PTPRM: variants seen among roughly 807,000 people sequenced by gnomAD.
The protein encoded by PTPRM is protein tyrosine phosphatase receptor type M.
PTPRM carries 47 observed loss-of-function variants against 186.7 expected under a neutral mutation model. The observed-to-expected ratio is 0.25, with a 90% confidence interval of 0.20 to 0.32. PTPRM has a LOEUF of 0.32. Among genes scored for constraint, PTPRM ranks in the 10% least tolerant of loss-of-function variants. The probability of loss-of-function intolerance (pLI) is 1.00; values close to 1 mark genes in which losing one functional copy is unlikely to be tolerated. For synonymous variants in PTPRM, 668 were observed against 674.9 expected, an observed-to-expected ratio of 0.99 and a Z score of 0.16; for missense variants, 1,494 against 1,865.0, an observed-to-expected ratio of 0.80 and a Z score of 3.66.
rs77172516 is a variant in PTPRM, at chr18:7,709,037, C to T, written c.74-65112C>T. 7.4e-3 allele frequency among the ~76,000 whole-genome samples: 1,129 copies of T among 152,216 alleles called. 18 individuals carry two copies. The highest frequency in any genetic ancestry group is 0.026 in the African/African-American group (1,092 of 41,542). Reference sequence around the variant, plus strand: ...CACCAATTCCTCACTTTAAAAAGCACACTCCTGCTGCTGCTTCTACTTTTA... The same window carrying T: ...CACCAATTCCTCACTTTAAAAAGCATACTCCTGCTGCTGCTTCTACTTTTA... On this transcript the variant is annotated intron_variant, in intron 1 of 32. Coordinates refer to ENST00000580170, the MANE Select transcript of PTPRM (RefSeq NM_001105244.2).
chr18:7,988,543 G>A (rs2083091240), intron 7 of PTPRM, among the ~76,000 whole-genome samples: 1 of 152,062 alleles, frequency 6.6e-6, no homozygotes, highest in Non-Finnish European at 1.5e-5. Context: ...CTAAAGCCCT[G>A]TACTTAAAAC....
rs185553219 is a variant in PTPRM, at chr18:8,229,334, G to A, written c.2301-14724G>A. Among the ~76,000 whole-genome samples, 271 of 152,210 alleles carry A rather than the reference G, an allele frequency of 1.8e-3. 2 individuals are homozygous for A. Among genetic ancestry groups the A allele is most frequent in the Middle Eastern group, 6.8e-3 (2 of 294 alleles). On this transcript the variant is annotated intron_variant, in intron 14 of 32. Coordinates refer to ENST00000580170, the MANE Select transcript of PTPRM (RefSeq NM_001105244.2). ...AACAAAAACAGTGGCTTCCAAGTACGTAAGGATAATGCTTACTAACCAGAG... is the reference window on the plus strand; with the variant it reads ...AACAAAAACAGTGGCTTCCAAGTACATAAGGATAATGCTTACTAACCAGAG...
chr18:8,046,201 G>A (rs752076638), intron 7 of PTPRM, among the ~76,000 whole-genome samples: 18 of 152,086 alleles, frequency 1.2e-4, no homozygotes, highest in Admixed American at 3.3e-4. Flanking sequence ...CTCCCCAACC[G>A]TCCAGCCATG....
At chr18:7,818,214 C>T (rs760926140) in intron 2 of PTPRM, among the ~76,000 whole-genome samples, 8 of 151,898 alleles carry the variant, frequency 5.3e-5, no homozygotes, top group South Asian at 2.1e-4. Context: ...GTTTTTTTTC[C>T]GACGAGTCTT....
chr18:8,036,527 A>G (rs551480237), intron 7 of PTPRM, among the ~76,000 whole-genome samples: 3 of 152,206 alleles, frequency 2.0e-5, no homozygotes, highest in Admixed American at 1.3e-4. Context: ...AAAATGGTAA[A>G]TTGATAGTAC....
chr18:8,271,106 A>T (rs1050392583), intron 19 of PTPRM, among the ~76,000 whole-genome samples: 5 of 152,174 alleles, frequency 3.3e-5, no homozygotes, highest in African/African-American at 1.2e-4. Flanking sequence ...GAAATATTTT[A>T]AAAACATAGG....
intron 1 of PTPRM, among the ~76,000 whole-genome samples, chr18:7,708,879 G>A (rs548182285): frequency 6.6e-6 from 1 of 152,160 alleles, no homozygotes; most frequent in African/African-American, 2.4e-5. Flanking sequence ...CTTATTTAAT[G>A]ATTTATCAAA....
At chr18:7,594,901 A>G (rs9956231) in intron 1 of PTPRM, among the ~76,000 whole-genome samples, 18,675 of 152,130 alleles carry the variant, frequency 0.12, 2,131 homozygotes, top group African/African-American at 0.3. Flanking sequence ...AAGGTAAAAA[A>G]TAGCTTCTTT....
chr18:7,618,413 A>C (rs868164448), intron 1 of PTPRM, among the ~76,000 whole-genome samples: 3 of 152,204 alleles, frequency 2.0e-5, no homozygotes, highest in South Asian at 4.1e-4. Context: ...CTCTCACTTT[A>C]ACTCAGATTT....
At chr18:8,140,128 A>T (rs999217588) in intron 13 of PTPRM, among the ~76,000 whole-genome samples, 3 of 152,144 alleles carry the variant, frequency 2.0e-5, no homozygotes, top group African/African-American at 7.2e-5. Context: ...CCTTTGGGAA[A>T]GCTTCCCGTT....
At chr18:7,614,325 T>A (rs1393798969) in intron 1 of PTPRM, among the ~76,000 whole-genome samples, 1 of 152,194 alleles carries the variant, frequency 6.6e-6, no homozygotes, top group Non-Finnish European at 1.5e-5. Context: ...ACTTCTGGAA[T>A]GTCAGTTTCA....
At chr18:7,870,959 A>G (rs74999838) in intron 2 of PTPRM, among the ~76,000 whole-genome samples, 1 of 152,336 alleles carries the variant, frequency 6.6e-6, no homozygotes, top group African/African-American at 2.4e-5. Flanking sequence ...TTTGTGTGCA[A>G]AGTGGGAGTT....
At chr18:8,318,624 T>C (rs183861096) in intron 21 of PTPRM, among the ~76,000 whole-genome samples, 25 of 152,262 alleles carry the variant, frequency 1.6e-4, no homozygotes, top group Admixed American at 1.4e-3. Context: ...AATTTTTATC[T>C]GTCTTGTTTC....
intron 24 of PTPRM, among the ~76,000 whole-genome samples, chr18:8,372,538 T>C (rs1223900781): frequency 6.6e-6 from 1 of 152,234 alleles, no homozygotes; most frequent in Admixed American, 6.5e-5. Flanking sequence ...ATCACAAAGC[T>C]GGAAAGACTT....
At chr18:7,867,667 T>C (rs745384551) in intron 2 of PTPRM, among the ~76,000 whole-genome samples, 3 of 152,160 alleles carry the variant, frequency 2.0e-5, no homozygotes, top group Non-Finnish European at 4.4e-5. Context: ...AATCTGATGA[T>C]TATGTGTCTT....
chr18:7,856,303 A>G (rs1224940868), intron 2 of PTPRM, among the ~76,000 whole-genome samples: 1 of 152,248 alleles, frequency 6.6e-6, no homozygotes, highest in African/African-American at 2.4e-5. Context: ...TTATACATAC[A>G]TATTCATAGA....
intron 7 of PTPRM, among the ~76,000 whole-genome samples, chr18:8,020,743 A>G (rs2085164986): frequency 6.6e-6 from 1 of 152,072 alleles, no homozygotes; most frequent in Non-Finnish European, 1.5e-5. Flanking sequence ...TTGTTTGACA[A>G]TTTTGTTCAT....
intron 7 of PTPRM, among the ~76,000 whole-genome samples, chr18:7,972,718 C>G (rs571367802): frequency 1.3e-5 from 2 of 151,764 alleles, no homozygotes; most frequent in Non-Finnish European, 1.5e-5. Context: ...TGTTAATGGC[C>G]TTTGAAAATC....
At chr18:7,994,298 C>T (rs1188620498) in intron 7 of PTPRM, among the ~76,000 whole-genome samples, 1 of 145,920 alleles carries the variant, frequency 6.9e-6, no homozygotes, top group East Asian at 2.0e-4. Flanking sequence ...ACACACACAC[C>T]TAACACTGGT....
Sources: allele counts gnomAD v4.1 joint callset (sites outside exome capture counted in the v4.1 genomes callset), GRCh38; gene constraint gnomAD v4.1.1; transcripts MANE v1.5; gene names NCBI Gene and HGNC (gene_info 2026-07-23, HGNC 2026-07-21).